The following PALM2AKAP2 variants were observed in gnomAD, a reference collection of about 807,000 sequenced individuals.
PALM2AKAP2 encodes PALM2 and AKAP2 fusion, also known as PALM2-AKAP2 fusion protein.
In PALM2AKAP2, 37 loss-of-function variants were observed where a neutral mutation model predicts 71.5. That is an observed-to-expected ratio of 0.52 (90% CI 0.40 to 0.68). The LOEUF is 0.68. Ranked by LOEUF, PALM2AKAP2 falls within the 30% of genes least tolerant of loss-of-function variation. The probability of loss-of-function intolerance (pLI) is 0.00; values close to 1 mark genes in which losing one functional copy is unlikely to be tolerated. For synonymous variants in PALM2AKAP2, 468 were observed against 478.8 expected, an observed-to-expected ratio of 0.98 and a Z score of 0.29; for missense variants, 1,224 against 1,191.8, an observed-to-expected ratio of 1.03 and a Z score of -0.40.
At chr9:110,150,278 A>G (rs1836277209) in intron 2 of PALM2AKAP2, among the ~76,000 whole-genome samples, 1 of 152,200 alleles carries the variant, frequency 6.6e-6, no homozygotes, top group African/African-American at 2.4e-5. Flanking sequence ...GTGTTGTTCA[A>G]ACCATCCAGT....
intron 3 of PALM2AKAP2, among the ~76,000 whole-genome samples, chr9:110,163,260 G>A (rs965799693): frequency 6.6e-6 from 1 of 151,792 alleles, no homozygotes; most frequent in Admixed American, 6.6e-5. Context: ...AATTTTCAAG[G>A]CTCTACTATG....
chr9:109,828,608 T>C (rs1231851299), intron 1 of PALM2AKAP2, among the ~76,000 whole-genome samples: 1 of 152,256 alleles, frequency 6.6e-6, no homozygotes, highest in Non-Finnish European at 1.5e-5. Flanking sequence ...AGTCATACAA[T>C]AATTCTATTG....
intron 2 of PALM2AKAP2, among the ~76,000 whole-genome samples, chr9:110,143,300 T>G (rs1458842368): frequency 6.6e-6 from 1 of 150,444 alleles, no homozygotes; most frequent in Non-Finnish European, 1.5e-5. Flanking sequence ...CACATGCCTG[T>G]TGTCCCAGCT....
intron 1 of PALM2AKAP2, among the ~76,000 whole-genome samples, chr9:109,848,309 A>G (rs1458671179): frequency 6.6e-6 from 1 of 152,122 alleles, no homozygotes; most frequent in Non-Finnish European, 1.5e-5. Flanking sequence ...TGGAGCTGGG[A>G]CTCGAACCCA....
At chr9:110,166,609 A>G (rs1216656210) in intron 3 of PALM2AKAP2, among the ~76,000 whole-genome samples, 1 of 152,236 alleles carries the variant, frequency 6.6e-6, no homozygotes, top group Non-Finnish European at 1.5e-5. Flanking sequence ...TGACCGTGAT[A>G]TGCTTACATA....
At chr9:109,678,337 C>A (rs565488070) in intron 1 of PALM2AKAP2, among the ~76,000 whole-genome samples, 1 of 152,160 alleles carries the variant, frequency 6.6e-6, no homozygotes, top group Non-Finnish European at 1.5e-5. Context: ...TTTAATGGGT[C>A]TTATTACTTA....
intron 2 of PALM2AKAP2, among the ~76,000 whole-genome samples, chr9:110,154,844 C>T (rs1303727430): frequency 6.6e-6 from 1 of 152,130 alleles, no homozygotes; most frequent in African/African-American, 2.4e-5. Context: ...TCCTGCCAAA[C>T]ATATTTGATA....
chr9:110,035,820 T>G lies in PALM2AKAP2; in HGVS notation c.582+19781T>G, dbSNP rs414361. On this transcript the variant is annotated intron_variant, in intron 7 of 9. Coordinates refer to the PALM2AKAP2 transcript ENST00000302798. ...TTGTGTGTTATATGTAACATATATA[T>G]GATATGTTGTGTGTTATATATAATA... Among the ~76,000 whole-genome samples, 202 of 139,740 alleles carry G rather than the reference T, an allele frequency of 1.4e-3. 6 individuals carry two copies. The highest frequency in any genetic ancestry group is 4.4e-3 in the Admixed American group (61 of 13,772). The allele number at this position is 139,740 out of a possible 152,430, so 91.7% of individuals were successfully genotyped here.
chr9:109,715,706 C>T (rs560887518), intron 1 of PALM2AKAP2, among the ~76,000 whole-genome samples: 2 of 152,306 alleles, frequency 1.3e-5, no homozygotes, highest in South Asian at 2.1e-4. Flanking sequence ...CTTTCTGGTG[C>T]TATTTCCAGA....
chr9:109,840,972 A>T (rs967739045), intron 1 of PALM2AKAP2, among the ~76,000 whole-genome samples: 3 of 152,218 alleles, frequency 2.0e-5, no homozygotes, highest in Non-Finnish European at 2.9e-5. Context: ...TAGCTCAGGG[A>T]TCTAGAACTA....
intron 2 of PALM2AKAP2, among the ~76,000 whole-genome samples, chr9:109,868,760 A>G (rs890551843): frequency 2.6e-5 from 4 of 152,240 alleles, no homozygotes; most frequent in African/African-American, 9.6e-5. Flanking sequence ...GATACTAAGG[A>G]TATTGCCTGT....
At chr9:109,908,467 G>C (rs1483260491) in intron 3 of PALM2AKAP2, among the ~76,000 whole-genome samples, 1 of 152,194 alleles carries the variant, frequency 6.6e-6, no homozygotes, top group Non-Finnish European at 1.5e-5. Context: ...TAAGTTGCTT[G>C]AACTCTCTCA....
rs1353573279 is a variant in PALM2AKAP2 at position 110,125,396 on chromosome 9, A to G, written c.157-10731A>G. 9.1e-6 allele frequency: 6 copies of G among 658,978 alleles called. No individual in the cohort carries two copies. In the South Asian group the frequency reaches 2.0e-4, roughly 22 times the overall value. The allele number at this position is 658,978 out of a possible 1,614,324, so 40.8% of individuals were successfully genotyped here. A position where few individuals can be genotyped will look rare whatever the true frequency, so the allele number is the denominator to read the frequency against. On this transcript the variant is annotated intron_variant, in intron 1 of 3. Coordinates refer to ENST00000374525, the Ensembl canonical transcript of PALM2AKAP2. The stretch of plus-strand genomic sequence containing the variant: ...AGCTCCGGCCAGCCAGGGAGGGGCC[A>G]GGCCTCTCCGAAGGAGGTTAAAGTC...
chr9:109,654,897 G>A (rs1827277590), intron 1 of PALM2AKAP2, among the ~76,000 whole-genome samples: 1 of 151,938 alleles, frequency 6.6e-6, no homozygotes, highest in Admixed American at 6.6e-5. Context: ...CCGTCTCTTG[G>A]GAATTAGAAA....
intron 1 of PALM2AKAP2, among the ~76,000 whole-genome samples, chr9:110,133,385 A>G (rs1835777237): frequency 6.6e-6 from 1 of 152,232 alleles, no homozygotes; most frequent in East Asian, 1.9e-4. Flanking sequence ...TCTTGGAAGT[A>G]CAGAGAACTC....
chr9:110,055,387 G>A (rs549157586), intron 1 of PALM2AKAP2, among the ~76,000 whole-genome samples: 74 of 152,156 alleles, frequency 4.9e-4, no homozygotes, highest in Non-Finnish European at 7.6e-4. Context: ...GTAGAGGTGA[G>A]GTTTCACATG....
At chr9:109,838,606 A>G (rs1031805179) in intron 1 of PALM2AKAP2, among the ~76,000 whole-genome samples, 24 of 152,226 alleles carry the variant, frequency 1.6e-4, no homozygotes, top group Admixed American at 2.0e-4. Flanking sequence ...TTTTGAAAAG[A>G]TCAACAAAAT....
intron 1 of PALM2AKAP2, among the ~76,000 whole-genome samples, chr9:110,057,140 T>A (rs989843928): frequency 6.6e-6 from 1 of 150,472 alleles, no homozygotes; most frequent in Non-Finnish European, 1.5e-5. Context: ...TTGCTTTACC[T>A]CCACTTTTTT....
At chr9:109,899,523 A>G (rs1016822770) in intron 3 of PALM2AKAP2, among the ~76,000 whole-genome samples, 2 of 152,118 alleles carry the variant, frequency 1.3e-5, no homozygotes, top group Non-Finnish European at 2.9e-5. Context: ...TTCAAAGTTC[A>G]TATTTGATGA....
Sources: allele counts gnomAD v4.1 joint callset (sites outside exome capture counted in the v4.1 genomes callset), GRCh38; gene constraint gnomAD v4.1.1; transcripts MANE v1.5; gene names NCBI Gene and HGNC (gene_info 2026-07-23, HGNC 2026-07-21).